The following PARVB variants were observed in gnomAD, a reference collection of about 807,000 sequenced individuals.
PARVB encodes parvin beta, also known as beta-parvin.
A neutral mutation model predicts 47.0 loss-of-function variants in PARVB; 46 were observed. The observed-to-expected ratio is 0.98, with a 90% CI of 0.77 to 1.25. The LOEUF (loss-of-function observed/expected upper bound fraction) is 1.25. Ranked by LOEUF, PARVB falls within the 50% of genes most tolerant of loss-of-function variation. PARVB has a pLI of 0.00. For synonymous variants in PARVB, 196 were observed against 196.3 expected, an observed-to-expected ratio of 1.00 and a Z score of 0.01; for missense variants, 473 against 471.6, an observed-to-expected ratio of 1.00 and a Z score of -0.03.
chr22:44,066,655 C>G (rs142262345), intron 1 of PARVB, among the ~76,000 whole-genome samples: 4 of 152,246 alleles, frequency 2.6e-5, no homozygotes, highest in Admixed American at 2.6e-4. Context: ...AACAGCCTGT[C>G]GACCACTCAC....
rs1237949403 is a variant in PARVB at position 44,168,631 on chromosome 22, C to T, written c.1048C>T (p.Leu350=). The change falls in exon 13 of 13, where the codon CTG becomes TTG. Residue 350 remains leucine (L), a synonymous_variant. Transcript: ENST00000338758. ...DVVNLDLKST[L]RVLYNLFTKY... ...GGTTAACTTGGACCTCAAATCCACCCTGAGGGTTCTTTACAACCTGTTCAC... is the reference window on the plus strand; with the variant it reads ...GGTTAACTTGGACCTCAAATCCACCTTGAGGGTTCTTTACAACCTGTTCAC... The T allele has an allele frequency of 6.2e-7, 1 of 1,613,176 alleles. No individual in the cohort carries two copies. Among genetic ancestry groups the T allele is most frequent in the African/African-American group, 1.3e-5 (1 of 74,856 alleles).
intron 9 of PARVB, chr22:44,151,279 C>G (rs1210875705): frequency 1.9e-6 from 1 of 537,436 alleles, no homozygotes; most frequent in Non-Finnish European, 3.4e-6. Flanking sequence ...GACGTGTAGC[C>G]AGGATAGATG....
intron 2 of PARVB, among the ~76,000 whole-genome samples, chr22:44,016,278 A>G (rs1390003781): frequency 6.6e-6 from 1 of 151,708 alleles, no homozygotes; most frequent in Non-Finnish European, 1.5e-5. Context: ...TTGTATTTTT[A>G]GTAGAGACGG....
At chr22:44,109,986 G>A (rs1359885435) in intron 3 of PARVB, 1 of 149,928 alleles carries the variant, frequency 6.7e-6, no homozygotes, top group Non-Finnish European at 1.5e-5. Context: ...AGTGGCGGGC[G>A]CCTGTAGTCC....
At position 44,168,848 on chromosome 22, in the gene PARVB, GGTT is replaced by G. The variant is rs2054232607; in HGVS notation, c.*177_*179del. The G allele has an allele frequency of 1.8e-6, 1 of 541,174 alleles. No homozygotes were observed. Among genetic ancestry groups the G allele is most frequent in the African/African-American group, 2.5e-5 (1 of 39,878 alleles). The allele number at this position is 541,174 out of a possible 1,614,324, so 33.5% of individuals were successfully genotyped here. A position where few individuals can be genotyped will look rare whatever the true frequency, so the allele number is the denominator to read the frequency against. ...GCCTGCCCCACCCCCTGCCTCTTTT[GGTT>G]GTTGTTCTTAATCTCCTCTCCATGT... On this transcript the variant is annotated 3_prime_UTR_variant, in exon 13 of 13. Transcript: ENST00000338758.
At chr22:44,146,266 AGC>A (rs1491569243) in intron 8 of PARVB, 4 of 131,978 alleles carry the variant, frequency 3.0e-5, no homozygotes, top group African/African-American at 1.3e-4. Flanking sequence ...ACACGCTCAC[AGC>A]ACACACACAT....
intron 5 of PARVB, 30 bp downstream of exon 5, chr22:44,131,657 G>C (rs769155754): frequency 6.3e-6 from 10 of 1,582,006 alleles, no homozygotes; most frequent in Non-Finnish European, 8.6e-6. Flanking sequence ...GGGAGGGACT[G>C]TCTGGAGGGA....
chr22:44,028,395 A>G (rs1053209344), intron 1 of PARVB, among the ~76,000 whole-genome samples: 3 of 152,046 alleles, frequency 2.0e-5, no homozygotes, highest in African/African-American at 7.3e-5. Flanking sequence ...AGTTGTGATC[A>G]TAAAGTGTAC....
intron 1 of PARVB, among the ~76,000 whole-genome samples, chr22:44,083,212 G>A (rs2051947398): frequency 6.6e-6 from 1 of 152,218 alleles, no homozygotes; most frequent in Non-Finnish European, 1.5e-5. Context: ...GATGCTGTGT[G>A]AGAGCCGTCA....
At chr22:44,137,694 C>T (rs1286689869) in intron 7 of PARVB, among the ~76,000 whole-genome samples, 1 of 152,148 alleles carries the variant, frequency 6.6e-6, no homozygotes. Flanking sequence ...GCTCCCCCTA[C>T]CTCTGGTGGT....
At chr22:44,087,664 G>A (rs1291352218) in intron 1 of PARVB, among the ~76,000 whole-genome samples, 1 of 151,630 alleles carries the variant, frequency 6.6e-6, no homozygotes, top group Non-Finnish European at 1.5e-5. Context: ...TTGGGAAAGA[G>A]CCTGGGCATA....
chr22:44,055,497 G>C (rs1289438026), intron 1 of PARVB, among the ~76,000 whole-genome samples: 1 of 151,990 alleles, frequency 6.6e-6, no homozygotes, highest in African/African-American at 2.4e-5. Context: ...ACCACACCCG[G>C]CTAATTTTTG....
At chr22:44,073,264 C>T (rs1010293308) in intron 1 of PARVB, among the ~76,000 whole-genome samples, 2 of 152,060 alleles carry the variant, frequency 1.3e-5, no homozygotes, top group African/African-American at 4.8e-5. Flanking sequence ...CTGAGGCGGG[C>T]GGATCACCGG....
chr22:44,014,375 A>G (rs1003028191), intron 2 of PARVB, among the ~76,000 whole-genome samples: 10 of 152,234 alleles, frequency 6.6e-5, no homozygotes, highest in Non-Finnish European at 1.2e-4. Flanking sequence ...GCCACAGTTC[A>G]AAAGCAAACC....
intron 11 of PARVB, among the ~76,000 whole-genome samples, chr22:44,159,242 T>A (rs753623585): frequency 6.6e-6 from 1 of 152,160 alleles, no homozygotes; most frequent in Admixed American, 6.5e-5. Flanking sequence ...TGCAGACACA[T>A]TGTTTTGGAG....
chr22:44,099,640 A>T (rs2052394689), intron 2 of PARVB, among the ~76,000 whole-genome samples: 2 of 152,078 alleles, frequency 1.3e-5, no homozygotes, highest in Non-Finnish European at 2.9e-5. Context: ...ATTTCATTAT[A>T]ACCATCCAGA....
chr22:44,037,909 C>G (rs975909459), intron 1 of PARVB, among the ~76,000 whole-genome samples: 4 of 152,112 alleles, frequency 2.6e-5, no homozygotes, highest in African/African-American at 9.7e-5. Flanking sequence ...GGACCAAGTC[C>G]AGATTCTCGC....
chr22:44,146,837 A>G (rs1206842266), intron 8 of PARVB: 3 of 152,452 alleles, frequency 2.0e-5, no homozygotes, highest in Non-Finnish European at 4.4e-5. Context: ...CCTGGCTGGT[A>G]AAAGAGGGTC....
chr22:44,031,279 C>T (rs952793457), intron 1 of PARVB: 1 of 152,168 alleles, frequency 6.6e-6, no homozygotes, highest in Admixed American at 6.5e-5. Context: ...CTATCTCTTT[C>T]CTCTTGGGCT....
Sources: gnomAD v4.1 joint callset for allele counts (sites outside exome capture counted in the v4.1 genomes callset) on GRCh38, gnomAD v4.1.1 for gene constraint, MANE v1.5 for transcripts, NCBI Gene and HGNC (gene_info 2026-07-23, HGNC 2026-07-21) for gene names.